The following LPP variants were observed in gnomAD, a reference collection of about 807,000 sequenced individuals.
The protein encoded by LPP is LIM domain containing preferred translocation partner in lipoma, also known as lipoma-preferred partner.
LPP carries 38 observed loss-of-function variants against 60.4 expected under a neutral mutation model. The observed-to-expected ratio is 0.63, with a 90% CI of 0.49 to 0.83. The LOEUF (loss-of-function observed/expected upper bound fraction) is 0.83. Among genes scored for constraint, LPP ranks in the 40% least tolerant of loss-of-function variants. The pLI is 0.00. For missense variants in LPP, 902 were observed against 783.6 expected, an observed-to-expected ratio of 1.15 and a Z score of -1.80; for synonymous variants, 328 against 290.8, an observed-to-expected ratio of 1.13 and a Z score of -1.30.
chr3:188,445,014 TAAG>T (rs1794883489), intron 4 of LPP, among the ~76,000 whole-genome samples: 1 of 152,084 alleles, frequency 6.6e-6, no homozygotes, highest in African/African-American at 2.4e-5. Context: ...TGTGGAGAAA[TAAG>T]AATGCTTTTA....
intron 5 of LPP, among the ~76,000 whole-genome samples, chr3:188,493,914 A>G (rs1473743977): frequency 1.3e-5 from 2 of 151,874 alleles, no homozygotes; most frequent in Admixed American, 1.3e-4. Flanking sequence ...CTTCCCTTTT[A>G]TATTCTTAAT....
At chr3:188,469,936 G>A (rs189303314) in intron 4 of LPP, among the ~76,000 whole-genome samples, 175 of 152,156 alleles carry the variant, frequency 1.2e-3, no homozygotes, top group African/African-American at 3.9e-3. Context: ...AGTAAAAGGC[G>A]AAAGATTTAT....
intron 5 of LPP, among the ~76,000 whole-genome samples, chr3:188,485,887 A>C (rs1189082650): frequency 6.6e-6 from 1 of 151,116 alleles, no homozygotes; most frequent in African/African-American, 2.4e-5. Context: ...TGGGTGAAAT[A>C]GGGTTGGTTA....
intron 6 of LPP, among the ~76,000 whole-genome samples, chr3:188,526,728 A>G (rs529901891): frequency 3.3e-5 from 5 of 152,296 alleles, no homozygotes; most frequent in Admixed American, 2.6e-4. Context: ...CCATCCTGTG[A>G]GCAGTAAAAA....
chr3:188,856,342 CTCAATAT>C (rs925301924), intron 9 of LPP, among the ~76,000 whole-genome samples: 1 of 152,114 alleles, frequency 6.6e-6, no homozygotes, highest in Admixed American at 6.5e-5. Flanking sequence ...TTTTTCCAAA[CTCAATAT>C]TCAATATTCA....
intron 4 of LPP, among the ~76,000 whole-genome samples, chr3:188,435,718 G>A (rs1356672319): frequency 6.6e-6 from 1 of 152,096 alleles, no homozygotes; most frequent in Non-Finnish European, 1.5e-5. Flanking sequence ...GTCACTTTCT[G>A]AATCAGACTA....
intron 2 of LPP, chr3:188,239,993 G>A (rs1393313196): frequency 5.1e-6 from 1 of 196,656 alleles, no homozygotes; most frequent in Non-Finnish European, 1.1e-5. Flanking sequence ...GAGGCCCAGA[G>A]AAGTAAAATG....
chr3:188,435,835 T>G (rs956105847), intron 4 of LPP, among the ~76,000 whole-genome samples: 2 of 152,182 alleles, frequency 1.3e-5, no homozygotes, highest in Non-Finnish European at 2.9e-5. Flanking sequence ...TCCTTGAAGC[T>G]TGAGGCACTT....
chr3:188,854,004 C>T (rs1763256346), intron 9 of LPP, among the ~76,000 whole-genome samples: 1 of 152,062 alleles, frequency 6.6e-6, no homozygotes, highest in Admixed American at 6.5e-5. Flanking sequence ...TTTCTGTCAT[C>T]CATCTGGTTC....
intron 3 of LPP, among the ~76,000 whole-genome samples, chr3:188,375,884 C>T (rs1474146950): frequency 6.6e-6 from 1 of 152,068 alleles, no homozygotes; most frequent in East Asian, 1.9e-4. Context: ...GAATGTGTCC[C>T]AGAGATTCTG....
chr3:188,465,290 A>G (rs1440470981), intron 4 of LPP, among the ~76,000 whole-genome samples: 1 of 152,146 alleles, frequency 6.6e-6, no homozygotes, highest in African/African-American at 2.4e-5. Context: ...TTTGGTTTGT[A>G]ACTATGATGA....
At chr3:188,276,672 T>C (rs1739846945) in intron 2 of LPP, among the ~76,000 whole-genome samples, 1 of 22,150 alleles carries the variant, frequency 4.5e-5, no homozygotes, top group South Asian at 1.2e-3. Flanking sequence ...CAACTCTGTC[T>C]CTCTCTCTCT....
At chr3:188,527,526 A>G (rs1313594522) in intron 6 of LPP, among the ~76,000 whole-genome samples, 2 of 152,154 alleles carry the variant, frequency 1.3e-5, no homozygotes, top group Admixed American at 6.5e-5. Flanking sequence ...AACATAGGAA[A>G]TAAGACCAAC....
chr3:188,497,549 A>T (rs1020843040), intron 5 of LPP, among the ~76,000 whole-genome samples: 9 of 152,330 alleles, frequency 5.9e-5, no homozygotes, highest in Non-Finnish European at 1.3e-4. Context: ...TATCCCCTGA[A>T]TAGAGATTTA....
intron 4 of LPP, among the ~76,000 whole-genome samples, chr3:188,423,204 G>A (rs1334382649): frequency 6.6e-6 from 1 of 151,944 alleles, no homozygotes; most frequent in Non-Finnish European, 1.5e-5. Flanking sequence ...GTGGTGTTTG[G>A]TTTTCTGTTC....
chr3:188,437,263 C>T (rs182646744), intron 4 of LPP, among the ~76,000 whole-genome samples: 466 of 152,272 alleles, frequency 3.1e-3, no homozygotes, highest in Non-Finnish European at 5.1e-3. Flanking sequence ...CTAGAGCTTC[C>T]GTTCCAAAGT....
intron 9 of LPP, among the ~76,000 whole-genome samples, chr3:188,777,522 G>T (rs551001754): frequency 2.5e-4 from 38 of 152,226 alleles, no homozygotes; most frequent in Non-Finnish European, 4.1e-4. Flanking sequence ...TGCCATAATG[G>T]GTCTATGCAC....
At chr3:188,229,241 A>T (rs1164803265) in intron 2 of LPP, among the ~76,000 whole-genome samples, 1 of 152,200 alleles carries the variant, frequency 6.6e-6, no homozygotes, top group Admixed American at 6.5e-5. Context: ...CATAGAAGCT[A>T]CAGTCTAGCC....
chr3:188,478,180 T>C (rs941422032), intron 4 of LPP, among the ~76,000 whole-genome samples: 1 of 152,216 alleles, frequency 6.6e-6, no homozygotes, highest in African/African-American at 2.4e-5. Flanking sequence ...TCTCCTCCTC[T>C]GAGTGATCAA....
Sources: allele counts gnomAD v4.1 joint callset (sites outside exome capture counted in the v4.1 genomes callset), GRCh38; gene constraint gnomAD v4.1.1; transcripts MANE v1.5; gene names NCBI Gene and HGNC (gene_info 2026-07-23, HGNC 2026-07-21).